The following TTC17 variants were observed in gnomAD, a reference collection of about 807,000 sequenced individuals.
TTC17 encodes tetratricopeptide repeat domain 17, also known as tetratricopeptide repeat protein 17.
Under a neutral mutation model 143.8 loss-of-function variants are expected in TTC17, and 58 were observed. The ratio of observed to expected loss-of-function variants is 0.40; its 90% CI spans 0.33 to 0.50. The LOEUF (loss-of-function observed/expected upper bound fraction) is 0.50, where lower values mean the gene tolerates loss of function less well. TTC17 is among the 20% of genes least tolerant of loss of function. The pLI is 0.49. For synonymous variants in TTC17, 501 were observed against 497.8 expected (o/e 1.01, Z -0.09); for missense variants, 1,273 against 1,392.5 (o/e 0.91, Z 1.37).
intron 15 of TTC17, among the ~76,000 whole-genome samples, chr11:43,408,141 A>G (rs1858230983): frequency 6.6e-6 from 1 of 152,132 alleles, no homozygotes; most frequent in Non-Finnish European, 1.5e-5. Context: ...TGATATCAGG[A>G]TGGATGTTAT....
intron 3 of TTC17, among the ~76,000 whole-genome samples, chr11:43,390,994 C>T (rs942715896): frequency 2.0e-5 from 3 of 152,338 alleles, no homozygotes. Flanking sequence ...TTAATTCAAA[C>T]TCCCAAAATG....
intron 1 of TTC17, among the ~76,000 whole-genome samples, chr11:43,365,066 G>A (rs1049914933): frequency 3.3e-5 from 5 of 151,804 alleles, no homozygotes; most frequent in African/African-American, 1.2e-4. Context: ...CTCCCAAAGT[G>A]CTGGGATTAC....
Position 43,405,787 on chromosome 11 carries a change from A to T in TTC17, c.1597A>T (p.Ile533Phe). The T allele has an allele frequency of 6.2e-7, 1 of 1,613,498 alleles. No individual in the cohort carries two copies. The highest frequency in any genetic ancestry group is 8.5e-7 in the Non-Finnish European group (1 of 1,179,810). The change falls in exon 13 of 24, where the codon ATC becomes TTC. Residue 533 changes from isoleucine to phenylalanine, a missense_variant and splice_region_variant. This residue lies in a region of TTC17 where 878 missense variants were observed against 899.8 expected (regional missense o/e 0.98). Transcript: ENST00000039989. ...FLPPENKGLR[I>F]HELSSDDYST... ...TCTTGTTCCTTTTTCTTGTGCCAGG[A>T]TCCACGAACTCAGCAGTGATGATTA...
At chr11:43,381,584 C>G (rs1856971117) in intron 2 of TTC17, among the ~76,000 whole-genome samples, 1 of 152,078 alleles carries the variant, frequency 6.6e-6, no homozygotes, top group Non-Finnish European at 1.5e-5. Context: ...AAGACTAACC[C>G]TGATAACCAA....
chr11:43,369,368 C>G (rs1856475531), intron 1 of TTC17, among the ~76,000 whole-genome samples: 1 of 152,150 alleles, frequency 6.6e-6, no homozygotes, highest in Non-Finnish European at 1.5e-5. Context: ...AATACGTGTC[C>G]CTTACCTAGA....
chr11:43,438,202 G>C (rs1282278334), intron 16 of TTC17, among the ~76,000 whole-genome samples: 1 of 152,178 alleles, frequency 6.6e-6, no homozygotes, highest in Non-Finnish European at 1.5e-5. Context: ...CTGTCACCCA[G>C]GCTGGAGTGC....
At chr11:43,448,870 T>A (rs1290363104) in intron 19 of TTC17, 1 of 152,226 alleles carries the variant, frequency 6.6e-6, no homozygotes, top group African/African-American at 2.4e-5. Context: ...TTCCTATTTT[T>A]AGTAAATAGC....
intron 5 of TTC17, among the ~76,000 whole-genome samples, chr11:43,393,515 TTAAGGG>T: frequency 6.6e-6 from 1 of 152,258 alleles, no homozygotes; most frequent in Non-Finnish European, 1.5e-5. Context: ...ACTCTGTTGT[TTAAGGG>T]TTTCTACGGA....
intron 16 of TTC17, among the ~76,000 whole-genome samples, chr11:43,423,487 C>T (rs1946955797): frequency 6.6e-6 from 1 of 151,432 alleles, no homozygotes; most frequent in Admixed American, 6.6e-5. Flanking sequence ...TAAATAGAGG[C>T]ACTGGAAGAG....
intron 21 of TTC17, among the ~76,000 whole-genome samples, chr11:43,479,677 T>A (rs1229770047): frequency 6.6e-6 from 1 of 152,200 alleles, no homozygotes; most frequent in Non-Finnish European, 1.5e-5. Flanking sequence ...ACACTAGGTA[T>A]TTCAGAAAAG....
In TTC17 at chr11:43,480,436, A is replaced by C. The variant is rs117433365; in HGVS notation, c.3031-9803A>C. Reference sequence around the variant, plus strand: ...AGAATTGTGTGACCTACAATGAAGAAAGAATAAAGATATTTAAAGATAAGC... The same window carrying C: ...AGAATTGTGTGACCTACAATGAAGACAGAATAAAGATATTTAAAGATAAGC... On this transcript the variant is annotated intron_variant, in intron 21 of 23. Coordinates refer to ENST00000039989, the MANE Select transcript of TTC17 (RefSeq NM_018259.6). 1.8e-4 allele frequency among the ~76,000 whole-genome samples: 28 copies of C among 152,310 alleles called. No homozygotes were observed. In the East Asian group the frequency reaches 5.4e-3, roughly 29 times the overall value.
chr11:43,375,642 A>G (rs1016998285), intron 1 of TTC17, among the ~76,000 whole-genome samples: 49 of 151,928 alleles, frequency 3.2e-4, no homozygotes, highest in African/African-American at 1.1e-3. Flanking sequence ...GATGAATACC[A>G]TTTAAAAAAA....
At chr11:43,461,390 CAAAAAA>C (rs750240102) in intron 21 of TTC17, among the ~76,000 whole-genome samples, 1 of 36,038 alleles carries the variant, frequency 2.8e-5, no homozygotes, top group African/African-American at 1.0e-4. Flanking sequence ...AACTCCGTCT[CAAAAAA>C]AAAAAAAAAA....
chr11:43,486,409 G>T (rs1948382320), intron 21 of TTC17: 2 of 453,358 alleles, frequency 4.4e-6, no homozygotes, highest in Non-Finnish European at 8.9e-6. Flanking sequence ...GCTATCCATG[G>T]TTTCAGGCAT....
chr11:43,402,962 A>T (rs945464235), intron 10 of TTC17, among the ~76,000 whole-genome samples: 1 of 152,168 alleles, frequency 6.6e-6, no homozygotes, highest in Non-Finnish European at 1.5e-5. Flanking sequence ...AAAAAATAAG[A>T]GACAAAAATT....
intron 16 of TTC17, among the ~76,000 whole-genome samples, chr11:43,425,686 CT>C (rs1247482607): frequency 1.3e-5 from 2 of 152,080 alleles, no homozygotes; most frequent in African/African-American, 4.8e-5. Flanking sequence ...TTTTCTCCCC[CT>C]TTTTTCTTTC....
chr11:43,466,850 C>A, intron 21 of TTC17: 1 of 272,040 alleles, frequency 3.7e-6, no homozygotes, highest in South Asian at 4.2e-5. Flanking sequence ...GCAAGATCGC[C>A]ATTGCCAACT....
intron 1 of TTC17, among the ~76,000 whole-genome samples, chr11:43,363,002 A>C (rs1856180161): frequency 6.6e-6 from 1 of 152,052 alleles, no homozygotes; most frequent in African/African-American, 2.4e-5. Context: ...GCTTTGACAT[A>C]CCTCTGATGC....
intron 7 of TTC17, 62 bp downstream of exon 7, chr11:43,397,553 T>TTC (rs1857650676): frequency 1.4e-5 from 19 of 1,392,842 alleles, no homozygotes; most frequent in Non-Finnish European, 1.8e-5. Context: ...TTTTTTTTTT[T>TTC]CTCCCCCCTC....
Sources: gnomAD v4.1 joint callset for allele counts (sites outside exome capture counted in the v4.1 genomes callset) on GRCh38, gnomAD v4.1.1 for gene constraint, gnomAD v4.1.1 regional missense constraint, MANE v1.5 for transcripts, NCBI Gene and HGNC (gene_info 2026-07-23, HGNC 2026-07-21) for gene names.